The following DNAJC2 variants were observed in gnomAD, a reference collection of about 807,000 sequenced individuals.
DNAJC2 encodes dnaJ homolog subfamily C member 2.
In DNAJC2, 32 loss-of-function variants were observed where a neutral mutation model predicts 94.0. The ratio of observed to expected loss-of-function variants is 0.34; its 90% confidence interval spans 0.26 to 0.46. The LOEUF (loss-of-function observed/expected upper bound fraction) is 0.46. Ranked by LOEUF, DNAJC2 falls within the 20% of genes least tolerant of loss-of-function variation. The pLI is 1.00. For synonymous variants in DNAJC2, 210 were observed against 229.7 expected (o/e 0.91, Z 0.77); for missense variants, 550 against 719.5 (o/e 0.76, Z 2.69).
rs749238023 is a variant in DNAJC2, at chr7:103,322,647, A to G, written c.812-15T>C. The stretch of plus-strand genomic sequence containing the variant: ...GTATGCATTGTCTAGCAAAAGAAAA[A>G]GTTAATCTCATTTTGAATTTCTAAC... On this transcript the variant is annotated splice_polypyrimidine_tract_variant and intron_variant, in intron 8 of 16. Coordinates refer to ENST00000379263, the MANE Select transcript of DNAJC2 (RefSeq NM_014377.3). 1.2e-6 allele frequency: 2 copies of G among 1,613,078 alleles called. No homozygotes were observed. Among genetic ancestry groups the G allele is most frequent in the South Asian group, 2.2e-5 (2 of 91,026 alleles).
chr7:103,331,894 T>C (rs1818988973), intron 3 of DNAJC2, among the ~76,000 whole-genome samples: 1 of 152,208 alleles, frequency 6.6e-6, no homozygotes, highest in African/African-American at 2.4e-5. Context: ...CTGGGCTATA[T>C]GTTAATTCTA....
intron 2 of DNAJC2, among the ~76,000 whole-genome samples, chr7:103,341,344 A>G (rs1321306137): frequency 6.6e-6 from 1 of 152,146 alleles, no homozygotes; most frequent in Admixed American, 6.5e-5. Context: ...GACACAACAG[A>G]GTTTGGTCTA....
At chr7:103,316,809 A>C (rs1818085686) in intron 13 of DNAJC2, 21 bp downstream of exon 13, 1 of 1,604,236 alleles carries the variant, frequency 6.2e-7, no homozygotes. Flanking sequence ...AGTTGAAGAA[A>C]AGTTTCATTA....
rs1818488300 is a variant in DNAJC2, at chr7:103,322,732, T to A, written c.782A>T (p.Glu261Val). The A allele has an allele frequency of 6.2e-7, 1 of 1,611,500 alleles. No homozygotes were observed. The highest frequency in any genetic ancestry group is 8.5e-7 in the Non-Finnish European group (1 of 1,179,850). The change falls in exon 8 of 17, where the codon GAA becomes GTA. Residue 261 changes from glutamate (E) to valine (V), a missense_variant. This residue lies in a region of DNAJC2 where 279 missense variants were observed against 416.9 expected (regional missense o/e 0.67). Transcript: ENST00000379263. ...NRATRAQRKK[E>V]EMNRIRTLVD... is the part of the protein sequence containing the mutation. ...TAATGTTCTTATTCTGTTCATTTCT[T>A]CTTTTTTTCTTTGTGCTCTTGTTGC...
intron 13 of DNAJC2, 46 bp from the exon 14 acceptor site, chr7:103,316,134 AC>A (rs1681319148): frequency 1.6e-6 from 2 of 1,227,708 alleles, no homozygotes; most frequent in Non-Finnish European, 2.3e-6. Context: ...GTAAGGAAAA[AC>A]AAAATGAAAC....
At chr7:103,319,566 TTAAATGCTACA>T in intron 12 of DNAJC2, 32 bp downstream of exon 12, 1 of 1,585,382 alleles carries the variant, frequency 6.3e-7, no homozygotes, top group Non-Finnish European at 8.7e-7. Context: ...CAAAGCAGAA[TTAAATGCTACA>T]TATAGGTAGG....
chr7:103,330,760 T>C (rs1303206379), intron 3 of DNAJC2, among the ~76,000 whole-genome samples: 2 of 151,854 alleles, frequency 1.3e-5, no homozygotes, highest in African/African-American at 2.4e-5. Context: ...CTTTTTTTTT[T>C]TTGTAGGGGA....
chr7:103,333,448 T>G (rs2116002119), intron 3 of DNAJC2, among the ~76,000 whole-genome samples: 1 of 152,358 alleles, frequency 6.6e-6, no homozygotes, highest in South Asian at 2.1e-4. Flanking sequence ...AGAATATATT[T>G]AATTTCCAAG....
intron 4 of DNAJC2, 62 bp from the exon 5 acceptor site, chr7:103,326,746 A>G: frequency 1.3e-6 from 2 of 1,483,734 alleles, no homozygotes; most frequent in Non-Finnish European, 1.8e-6. Context: ...CTGCAAGAAA[A>G]CAAGTATTTC....
Position 103,326,629 on chromosome 7 carries a change from A to G in DNAJC2, c.486T>C (p.Pro162=). 2 of 1,591,664 alleles carry G rather than the reference A, an allele frequency of 1.3e-6. No homozygotes were observed. The highest frequency in any genetic ancestry group is 2.3e-5 in the South Asian group (2 of 88,396). ...TAGAAGGAACTGAGTTATCAAAAGT[A>G]GGATCTACACTGTTAAATGCTCGTC... ...VKRRAFNSVD[P]TFDNSVPSKS... is the part of the protein sequence containing the mutation. Residue 162 remains proline, a synonymous_variant, in exon 5 of 17, where the codon CCT becomes CCC. Coordinates refer to ENST00000379263, the MANE Select transcript of DNAJC2 (RefSeq NM_014377.3).
chr7:103,313,134 CTT>C, intron 15 of DNAJC2, 33 bp from the exon 16 acceptor site: 1 of 1,583,650 alleles, frequency 6.3e-7, no homozygotes, highest in Non-Finnish European at 8.6e-7. Flanking sequence ...TGAAAACTGT[CTT>C]TGAACATGTT....
chr7:103,314,521 G>GT, intron 15 of DNAJC2: 1 of 985,348 alleles, frequency 1.0e-6, no homozygotes, highest in Non-Finnish European at 1.2e-6. Context: ...ATGGAAACAA[G>GT]TCCCCCTAAG....
chr7:103,329,086 A>C, intron 3 of DNAJC2: 1 of 920,202 alleles, frequency 1.1e-6, no homozygotes, highest in Non-Finnish European at 1.5e-6. Context: ...CTGGTGGTCA[A>C]CAATTTTTTT....
intron 5 of DNAJC2, among the ~76,000 whole-genome samples, chr7:103,326,225 A>G (rs1429071637): frequency 6.6e-6 from 1 of 152,104 alleles, no homozygotes; most frequent in Non-Finnish European, 1.5e-5. Flanking sequence ...TGATCCGTCC[A>G]CCTCGGCCTT....
intron 1 of DNAJC2, among the ~76,000 whole-genome samples, chr7:103,342,600 C>T (rs1282035584): frequency 1.3e-5 from 2 of 151,304 alleles, no homozygotes; most frequent in Non-Finnish European, 2.9e-5. Flanking sequence ...CCACTGCACC[C>T]ACCTGGACAA....
At chr7:103,340,775 C>T (rs1411181477) in intron 2 of DNAJC2, among the ~76,000 whole-genome samples, 1 of 152,224 alleles carries the variant, frequency 6.6e-6, no homozygotes, top group Non-Finnish European at 1.5e-5. Context: ...ACAGCAACCA[C>T]CACTATGTGC....
In DNAJC2 at chr7:103,322,725, C is replaced by T. The variant is rs751894748; in HGVS notation, c.789G>A (p.Met263Ile). 1 of 1,612,058 alleles carries T rather than the reference C, an allele frequency of 6.2e-7. No homozygotes were observed. The highest frequency in any genetic ancestry group is 1.1e-5 in the South Asian group (1 of 91,050). ...ATRAQRKKEE[M>I]NRIRTLVDNA... ...TACCAACTAATGTTCTTATTCTGTT[C>T]ATTTCTTCTTTTTTTCTTTGTGCTC... The change falls in exon 8 of 17, where the codon ATG becomes ATA. Residue 263 changes from methionine (M) to isoleucine (I), a missense_variant. Coordinates refer to ENST00000379263, the MANE Select transcript of DNAJC2 (RefSeq NM_014377.3).
At chr7:103,322,865 T>A in intron 7 of DNAJC2, 71 bp from the exon 8 acceptor site, 1 of 1,154,936 alleles carries the variant, frequency 8.7e-7, no homozygotes, top group Non-Finnish European at 1.2e-6. Flanking sequence ...CAATATTTTA[T>A]AAAATATTTA....
At chr7:103,323,799 CTTT>C in intron 6 of DNAJC2, 136 bp from the exon 7 acceptor site, 1 of 674,532 alleles carries the variant, frequency 1.5e-6, no homozygotes, top group Non-Finnish European at 2.1e-6. Context: ...AGTCTTTCTC[CTTT>C]TTTAAGGACA....
Sources: gnomAD v4.1 joint callset for allele counts (sites outside exome capture counted in the v4.1 genomes callset) on GRCh38, gnomAD v4.1.1 for gene constraint, gnomAD v4.1.1 regional missense constraint, MANE v1.5 for transcripts, NCBI Gene and HGNC (gene_info 2026-07-23, HGNC 2026-07-21) for gene names.